TIPRL: variants seen among roughly 807,000 people sequenced by gnomAD.
TIPRL encodes the protein TIP41-like protein.
A neutral mutation model predicts 32.3 loss-of-function variants in TIPRL; 10 were observed. That is an observed-to-expected ratio of 0.31 (90% CI 0.19 to 0.52). The LOEUF (loss-of-function observed/expected upper bound fraction) is 0.52. TIPRL is among the 20% of genes least tolerant of loss of function. TIPRL has a pLI of 0.96. For synonymous variants in TIPRL, 100 were observed against 114.0 expected, an observed-to-expected ratio of 0.88 and a Z score of 0.78; for missense variants, 250 against 328.1, an observed-to-expected ratio of 0.76 and a Z score of 1.84.
At chr1:168,181,774 C>T (rs1261623099) in intron 1 of TIPRL, among the ~76,000 whole-genome samples, 2 of 151,446 alleles carry the variant, frequency 1.3e-5, no homozygotes. Flanking sequence ...AACAAATTTG[C>T]CTGAGGCCGG....
intron 6 of TIPRL, among the ~76,000 whole-genome samples, chr1:168,199,617 G>A (rs1214713100): frequency 6.6e-6 from 1 of 152,106 alleles, no homozygotes; most frequent in Non-Finnish European, 1.5e-5. Context: ...GTGTTTTCAA[G>A]TTACAAAAGC....
Position 168,179,049 on chromosome 1 carries a change from T to C in TIPRL, c.-29T>C, listed in dbSNP as rs1331479335. The stretch of plus-strand genomic sequence containing the variant: ...CGCCGCCGCTGCTTCAGCTTATTCC[T>C]TGTGGCCTCTGCGGGTCCTGCCTCA... On this transcript the variant is annotated 5_prime_UTR_variant, in exon 1 of 7. Transcript: ENST00000367833. 2.5e-6 allele frequency: 4 copies of C among 1,603,434 alleles called. No homozygotes were observed. Among genetic ancestry groups the C allele is most frequent in the East Asian group, 2.2e-5 (1 of 44,692 alleles).
chr1:168,199,047 T>G (rs528744535), intron 6 of TIPRL, 66 bp downstream of exon 6: 2 of 1,283,236 alleles, frequency 1.6e-6, no homozygotes, highest in Non-Finnish European at 2.2e-6. Context: ...AAGTAGCATA[T>G]ACCCCTGACC....
At chr1:168,198,223 CTGA>C (rs1177911085) in intron 5 of TIPRL, among the ~76,000 whole-genome samples, 1 of 152,068 alleles carries the variant, frequency 6.6e-6, no homozygotes, top group Non-Finnish European at 1.5e-5. Flanking sequence ...GCTGTGATCA[CTGA>C]TGATTTATAC....
chr1:168,186,519 A>G (rs1456033283), intron 3 of TIPRL, among the ~76,000 whole-genome samples: 2 of 152,194 alleles, frequency 1.3e-5, no homozygotes, highest in Non-Finnish European at 2.9e-5. Context: ...GTAAAATAAA[A>G]TAAAGCAAAT....
At chr1:168,197,115 A>G (rs1436656505) in intron 5 of TIPRL, among the ~76,000 whole-genome samples, 2 of 152,110 alleles carry the variant, frequency 1.3e-5, no homozygotes, top group African/African-American at 4.8e-5. Context: ...GGAGTTCGAG[A>G]CCAGCCTGGC....
chr1:168,199,032 A>C, intron 6 of TIPRL, 51 bp downstream of exon 6: 2 of 1,457,286 alleles, frequency 1.4e-6, no homozygotes, highest in African/African-American at 2.8e-5. Flanking sequence ...GTTTCATTTT[A>C]ATTTAAGTAG....
rs546344375 is a variant in TIPRL, at chr1:168,181,619, AATTAT to A, written c.105-2275_105-2271del. On this transcript the variant is annotated intron_variant, in intron 1 of 6. Transcript: ENST00000367833. Reference sequence around the variant, plus strand: ...TTTGCACCAACATAATACAATATATAATTATATTATATATAAAGCAGTCAGCTTCA... The same window carrying A: ...TTTGCACCAACATAATACAATATATAATTATATATAAAGCAGTCAGCTTCA... Among the ~76,000 whole-genome samples the A allele has an allele frequency of 1.4e-3, 216 of 151,478 alleles. 2 individuals carry two copies. The highest frequency in any genetic ancestry group is 4.8e-3 in the African/African-American group (198 of 41,360).
In TIPRL at chr1:168,191,652, C is replaced by T. The variant is rs559514131; in HGVS notation, c.516+152C>T. ...TTTGAGAGGCTGAGGCGGGCTGGATCGCCAGGTCAGGAGACCGAGACCATC... is the reference window on the plus strand; with the variant it reads ...TTTGAGAGGCTGAGGCGGGCTGGATTGCCAGGTCAGGAGACCGAGACCATC... On this transcript the variant is annotated intron_variant, in intron 4 of 6. Coordinates refer to ENST00000367833, the MANE Select transcript of TIPRL (RefSeq NM_152902.5). 52 of 549,420 alleles carry T rather than the reference C, an allele frequency of 9.5e-5. 1 individual carries two copies. The South Asian group carries it at 1.7e-3, about 18-fold the overall frequency. 34.0% of individuals were successfully genotyped at this position (549,420 alleles called of 1,614,324 possible).
intron 1 of TIPRL, among the ~76,000 whole-genome samples, chr1:168,179,771 G>A (rs1026069548): frequency 1.3e-5 from 2 of 152,154 alleles, no homozygotes; most frequent in Non-Finnish European, 2.9e-5. Flanking sequence ...GCGGGGGGCG[G>A]TGGATAGGTA....
intron 3 of TIPRL, among the ~76,000 whole-genome samples, chr1:168,189,588 C>T (rs2235210): frequency 0.43 from 64,702 of 151,940 alleles, 15,158 homozygotes; most frequent in African/African-American, 0.6. Flanking sequence ...TCAAGTGATC[C>T]GGCCGCCTTG....
chr1:168,192,627 G>C (rs191085909), intron 4 of TIPRL, among the ~76,000 whole-genome samples: 1 of 152,194 alleles, frequency 6.6e-6, no homozygotes, highest in Non-Finnish European at 1.5e-5. Flanking sequence ...GGCCGGGCGC[G>C]GTGGCCCATG....
At chr1:168,190,213 G>C (rs1700077574) in intron 3 of TIPRL, among the ~76,000 whole-genome samples, 2 of 152,118 alleles carry the variant, frequency 1.3e-5, no homozygotes, top group Admixed American at 6.5e-5. Context: ...TCCCCTCCCA[G>C]TTTTCACCTC....
intron 3 of TIPRL, among the ~76,000 whole-genome samples, chr1:168,185,352 A>G (rs924775378): frequency 2.0e-5 from 3 of 152,230 alleles, no homozygotes; most frequent in Non-Finnish European, 4.4e-5. Flanking sequence ...AGTTTTATCA[A>G]TAAATTGGGT....
At chr1:168,182,663 ACT>A (rs961552101) in intron 1 of TIPRL, among the ~76,000 whole-genome samples, 22 of 152,002 alleles carry the variant, frequency 1.4e-4, no homozygotes, top group African/African-American at 5.3e-4. Flanking sequence ...TGTTTAAGAA[ACT>A]CTATATTTAG....
Position 168,183,245 on chromosome 1 carries a change from T to A in TIPRL, c.105-657T>A, listed in dbSNP as rs761966802. ...AAACATTCAGAGTATTTCTTTTTCA[T>A]GATTATAAGTAAAGCCATTATAAGT... On this transcript the variant is annotated intron_variant, in intron 1 of 6. Transcript: ENST00000367833. 1.7e-4 allele frequency among the ~76,000 whole-genome samples: 26 copies of A among 152,200 alleles called. 1 individual carries two copies. Among genetic ancestry groups the A allele is most frequent in the Admixed American group, 2.6e-4 (4 of 15,282 alleles).
In TIPRL at chr1:168,184,012, C is replaced by T. The variant is rs760294386; in HGVS notation, c.215C>T (p.Ala72Val). 3 of 1,613,854 alleles carry T rather than the reference C, an allele frequency of 1.9e-6. No individual in the cohort carries two copies. Among genetic ancestry groups the T allele is most frequent in the Admixed American group, 1.7e-5 (1 of 60,002 alleles). Reference protein sequence around the residue: ...GFGIEFNATDALRCVNNYQGM... With the variant: ...GFGIEFNATDVLRCVNNYQGM... ...GGAATTGAGTTCAATGCTACAGATG[C>T]GTTAAGATGTGTAAACAACTACCAA... Residue 72 changes from alanine (A) to valine (V), a missense_variant, in exon 2 of 7, where the codon GCG becomes GTG. Physicochemically the swap from Ala to Val is moderately conservative, Grantham distance 64. Coordinates refer to ENST00000367833, the MANE Select transcript of TIPRL (RefSeq NM_152902.5).
At chr1:168,194,021 A>C (rs1173912906) in intron 4 of TIPRL, among the ~76,000 whole-genome samples, 1 of 152,244 alleles carries the variant, frequency 6.6e-6, no homozygotes, top group Non-Finnish European at 1.5e-5. Context: ...GACTCTTAAC[A>C]CAATTTTCCA....
chr1:168,192,168 T>C (rs894464553), intron 4 of TIPRL: 10 of 1,468,676 alleles, frequency 6.8e-6, no homozygotes, highest in African/African-American at 1.4e-5. Flanking sequence ...CCATGTGTTA[T>C]GATTTCAGTG....
Sources: gnomAD v4.1 joint callset for allele counts (sites outside exome capture counted in the v4.1 genomes callset) on GRCh38, gnomAD v4.1.1 for gene constraint, MANE v1.5 for transcripts, NCBI Gene and HGNC (gene_info 2026-07-23, HGNC 2026-07-21) for gene names.